Variants in OR14I1 observed in about 807,000 individuals in gnomAD.
OR14I1 encodes the protein olfactory receptor family 14 subfamily I member 1.
For missense variants in OR14I1, 279 were observed against 181.8 expected (o/e 1.53, Z -3.07); for synonymous variants, 118 against 71.1 (o/e 1.66, Z -3.32).
the OR14I1 span, chr1:248,698,855 G>T: frequency 6.6e-6 from 1 of 152,196 alleles, no homozygotes; most frequent in Non-Finnish European, 1.5e-5. Flanking sequence ...ACAGTTTCTT[G>T]CAGGTATTCG....
chr1:248,685,859 T>C (rs1191636890), upstream of OR14I1, among the ~76,000 whole-genome samples: 2 of 151,708 alleles, frequency 1.3e-5, no homozygotes, highest in Admixed American at 1.3e-4. Flanking sequence ...AATTAATATT[T>C]TCCTTGAAAA....
downstream of OR14I1, chr1:248,681,248 GT>G (rs1054918612): frequency 5.0e-3 from 2,528 of 509,754 alleles, 48 homozygotes; most frequent in African/African-American, 0.036. Flanking sequence ...CATTCAACAG[GT>G]TTTTTTTTTC....
chr1:248,690,627 C>CAGGAA, the OR14I1 span, among the ~76,000 whole-genome samples: 104,042 of 126,972 alleles, frequency 0.82, 43,151 homozygotes, highest in Non-Finnish European at 0.88. Flanking sequence ...AAAAAAAGCC[C>CAGGAA]AGGAACAGAC....
At chr1:248,682,439 G>C (rs1661584326), upstream of OR14I1, 4 of 565,038 alleles carry the variant, frequency 7.1e-6, no homozygotes, top group Admixed American at 3.4e-5. Context: ...CTTCCACACT[G>C]CTTAAACAAA....
exon 1 of OR14I1, chr1:248,681,859 C>G (rs984855463): frequency 1.3e-6 from 1 of 781,056 alleles, no homozygotes; most frequent in Non-Finnish European, 2.4e-6. Context: ...GGAAAAGCAG[C>G]TTAGCCAGGT....
rs369084668 is a variant in OR14I1 at position 248,682,227 on chromosome 1, G to A, written c.78C>T (p.Ala26=). 62 of 780,154 alleles carry A rather than the reference G, an allele frequency of 7.9e-5. 1 individual carries two copies. Among genetic ancestry groups the A allele is most frequent in the Non-Finnish European group, 1.3e-4 (53 of 417,716 alleles). The allele number at this position is 780,154 out of a possible 1,614,324, so 48.3% of individuals were successfully genotyped here. A position where few individuals can be genotyped will look rare whatever the true frequency, so the allele number is the denominator to read the frequency against. ...CCAGATAAATCAGCAGAAACAGCCCGGCGTGCAGCACCTGCAGCTCCCAGA... is the reference window on the plus strand; with the variant it reads ...CCAGATAAATCAGCAGAAACAGCCCAGCGTGCAGCACCTGCAGCTCCCAGA... The change falls in exon 1 of 1, where the codon GCC becomes GCT. Residue 26 remains alanine, a synonymous_variant. Transcript: ENST00000342623.
downstream of OR14I1, among the ~76,000 whole-genome samples, chr1:248,680,718 T>C (rs1420876107): frequency 6.6e-6 from 1 of 152,110 alleles, no homozygotes; most frequent in Non-Finnish European, 1.5e-5. Context: ...AGGAAAGAGA[T>C]CCGTTTCTAT....
upstream of OR14I1, among the ~76,000 whole-genome samples, chr1:248,684,334 G>C (rs987380239): frequency 6.6e-6 from 1 of 152,170 alleles, no homozygotes; most frequent in Non-Finnish European, 1.5e-5. Context: ...GTAAAGTCTC[G>C]ACAAACATGT....
the OR14I1 span, among the ~76,000 whole-genome samples, chr1:248,698,017 T>C: frequency 1.3e-5 from 2 of 152,210 alleles, no homozygotes; most frequent in Non-Finnish European, 2.9e-5. Context: ...TAGTGTGGAA[T>C]AGCACGAAAT....
At chr1:248,690,332 C>T in the OR14I1 span, among the ~76,000 whole-genome samples, 2 of 151,766 alleles carry the variant, frequency 1.3e-5, no homozygotes, top group African/African-American at 2.4e-5. Context: ...GACCACCAAG[C>T]TAGGCTAATA....
At chr1:248,691,057 T>C in the OR14I1 span, among the ~76,000 whole-genome samples, 114 of 152,306 alleles carry the variant, frequency 7.5e-4, 1 homozygote, top group African/African-American at 2.7e-3. Context: ...TCATCTTAGG[T>C]AGATATCACA....
chr1:248,678,430 G>C (rs1661510024), downstream of OR14I1, among the ~76,000 whole-genome samples: 1 of 152,102 alleles, frequency 6.6e-6, no homozygotes, highest in Non-Finnish European at 1.5e-5. Context: ...GTTTTCTCTG[G>C]CAACACTGAA....
chr1:248,681,304 T>G (rs548489192), downstream of OR14I1: 31 of 612,422 alleles, frequency 5.1e-5, no homozygotes, highest in African/African-American at 4.8e-4. Context: ...TCTTTTTTTG[T>G]CATAAAGTAT....
chr1:248,680,738 G>A (rs1661545257), downstream of OR14I1, among the ~76,000 whole-genome samples: 1 of 152,100 alleles, frequency 6.6e-6, no homozygotes, highest in Non-Finnish European at 1.5e-5. Flanking sequence ...TCAACACATT[G>A]AATACTAACA....
upstream of OR14I1, among the ~76,000 whole-genome samples, chr1:248,683,492 G>A (rs1194948369): frequency 1.3e-5 from 2 of 152,128 alleles, no homozygotes; most frequent in Non-Finnish European, 2.9e-5. Flanking sequence ...TTTCATTAAT[G>A]ATAAACTCTA....
downstream of OR14I1, among the ~76,000 whole-genome samples, chr1:248,679,473 TTTA>T (rs1388272578): frequency 6.6e-6 from 1 of 152,040 alleles, no homozygotes; most frequent in Non-Finnish European, 1.5e-5. Context: ...TACTATGTGC[TTTA>T]TTATACTACT....
At chr1:248,686,284 A>AT, upstream of OR14I1, among the ~76,000 whole-genome samples, 1 of 152,278 alleles carries the variant, frequency 6.6e-6, no homozygotes, top group South Asian at 2.1e-4. Context: ...TTTAATTTCA[A>AT]TTTACTGAAA....
At chr1:248,699,186 CTTG>C in the OR14I1 span, 4 of 152,168 alleles carry the variant, frequency 2.6e-5, no homozygotes, top group South Asian at 4.1e-4. Flanking sequence ...AATGAGTTTA[CTTG>C]TTGTGTATCC....
At chr1:248,683,204 T>G (rs1661592829), upstream of OR14I1, among the ~76,000 whole-genome samples, 1 of 152,262 alleles carries the variant, frequency 6.6e-6, no homozygotes, top group South Asian at 2.1e-4. Flanking sequence ...GACCTCTGCA[T>G]TCTAAGTTTT....
Sources: allele counts gnomAD v4.1 joint callset (sites outside exome capture counted in the v4.1 genomes callset), GRCh38; gene constraint gnomAD v4.1.1; transcripts MANE v1.5; gene names NCBI Gene and HGNC (gene_info 2026-07-23, HGNC 2026-07-21).